CFTR: variants seen among roughly 807,000 people sequenced by gnomAD.
The protein encoded by CFTR is cystic fibrosis transmembrane conductance regulator.
CFTR carries 181 observed loss-of-function variants against 171.6 expected under a neutral mutation model. That is an observed-to-expected ratio of 1.05 (90% CI 0.93 to 1.19). The LOEUF is 1.19. CFTR is among the 50% of genes most tolerant of loss of function. CFTR has a pLI of 0.00. For missense variants in CFTR, 1,968 were observed against 1,734.7 expected, an observed-to-expected ratio of 1.13 and a Z score of -2.39; for synonymous variants, 583 against 608.0, an observed-to-expected ratio of 0.96 and a Z score of 0.60.
rs1162411186 is a variant in CFTR at position 117,648,174 on chromosome 7, C to A, written c.3874-4668C>A. On this transcript the variant is annotated intron_variant, in intron 23 of 26. Transcript: ENST00000003084. Reference sequence around the variant, plus strand: ...ATATATACACGCACACACACACACACAAATATATATATTTCCCTTCTGAGA... The same window carrying A: ...ATATATACACGCACACACACACACAAAAATATATATATTTCCCTTCTGAGA... Among the ~76,000 whole-genome samples the A allele has an allele frequency of 2.6e-5, 4 of 151,384 alleles. No homozygotes were observed. The South Asian group carries it at 8.3e-4, about 31-fold the overall frequency.
chr7:117,649,277 G>A (rs1793043256), intron 23 of CFTR, among the ~76,000 whole-genome samples: 1 of 146,120 alleles, frequency 6.8e-6, no homozygotes, highest in East Asian at 2.0e-4. Flanking sequence ...TTATACATGG[G>A]ATGTGTGTGT....
chr7:117,610,757 T>A lies in CFTR; in HGVS notation c.3139+88T>A, dbSNP rs1408926340. On this transcript the variant is annotated intron_variant, in intron 19 of 26. Transcript: ENST00000003084. ...TTATTGTTAATCTACTTAAAAAAAATTCTGCTTTTAAACTTTTACATCATA... is the reference window on the plus strand; with the variant it reads ...TTATTGTTAATCTACTTAAAAAAAAATCTGCTTTTAAACTTTTACATCATA... 5.5e-6 allele frequency: 8 copies of A among 1,461,640 alleles called. No individual in the cohort carries two copies. The Admixed American group carries it at 9.4e-5, about 17-fold the overall frequency. The allele number at this position is 1,461,640 out of a possible 1,614,324, so 90.5% of individuals were successfully genotyped here.
chr7:117,529,513 T>TAAA (rs61443875), intron 3 of CFTR, among the ~76,000 whole-genome samples: 2 of 119,968 alleles, frequency 1.7e-5, no homozygotes, highest in Admixed American at 8.5e-5. Context: ...ACTTAGAGTA[T>TAAA]AAAAAAAAAA....
intron 23 of CFTR, among the ~76,000 whole-genome samples, chr7:117,652,246 T>C (rs1159691155): frequency 6.6e-6 from 1 of 152,202 alleles, no homozygotes; most frequent in African/African-American, 2.4e-5. Flanking sequence ...AAACAATTAT[T>C]TGACTTCTGC....
intron 11 of CFTR, chr7:117,560,648 T>G (rs1341768055): frequency 6.6e-6 from 1 of 152,086 alleles, no homozygotes; most frequent in East Asian, 1.9e-4. Flanking sequence ...TTCAACAGTT[T>G]TTTTTTTAGA....
chr7:117,616,804 T>C (rs906008610), intron 21 of CFTR, among the ~76,000 whole-genome samples: 2 of 152,168 alleles, frequency 1.3e-5, no homozygotes, highest in African/African-American at 4.8e-5. Flanking sequence ...TTCTTTTGTT[T>C]GAATATCAAA....
chr7:117,550,664 T>TGTG (rs1224851701), intron 10 of CFTR, among the ~76,000 whole-genome samples: 63 of 152,336 alleles, frequency 4.1e-4, no homozygotes, highest in African/African-American at 1.5e-3. Flanking sequence ...GTCTTCAAGA[T>TGTG]CAATTCTATG....
chr7:117,535,406 G>A lies in CFTR; in HGVS notation c.738G>A (p.Lys246=), dbSNP rs35033453. The A allele has an allele frequency of 2.0e-5, 32 of 1,613,588 alleles. No individual in the cohort carries two copies. The Middle Eastern group carries it at 5.0e-4, about 25-fold the overall frequency. Residue 246 remains lysine (K), a synonymous_variant, in exon 6 of 27, where the codon AAG becomes AAA. Transcript: ENST00000003084. ...CTGGGCTAGGGAGAATGATGATGAA[G>A]TACAGGTAGCAACCTATTTTCATAA... is the stretch of plus-strand genomic sequence containing the variant. ...FQAGLGRMMM[K]YRDQRAGKIS... is the part of the protein sequence containing the mutation.
chr7:117,565,220 G>A (rs1406204085), intron 11 of CFTR, among the ~76,000 whole-genome samples: 1 of 152,196 alleles, frequency 6.6e-6, no homozygotes, highest in Admixed American at 6.5e-5. Context: ...TGGAGACTTT[G>A]CTAGTTTAAA....
intron 3 of CFTR, among the ~76,000 whole-genome samples, chr7:117,510,452 T>C (rs1420425125): frequency 6.6e-6 from 1 of 152,162 alleles, no homozygotes; most frequent in Non-Finnish European, 1.5e-5. Context: ...CAATAAGTGA[T>C]TGTTGGATTG....
In CFTR at chr7:117,581,831, G is replaced by T. The variant is rs151147329; in HGVS notation, c.1585-5908G>T. ...AATGGAGTGATCACGGTTCATTGCA[G>T]CCTTGACCTCCTGGGCTCAAGCGAT... On this transcript the variant is annotated intron_variant, in intron 11 of 26. Coordinates refer to ENST00000003084, the MANE Select transcript of CFTR (RefSeq NM_000492.4). Among the ~76,000 whole-genome samples, 202 of 152,168 alleles carry T rather than the reference G, an allele frequency of 1.3e-3. 3 individuals are homozygous for T. The East Asian group carries it at 0.035, about 27-fold the overall frequency.
chr7:117,501,766 AAAAAAGAAACAAAAAAAAAAAAAAAAC>A (rs1798332097), intron 1 of CFTR, among the ~76,000 whole-genome samples: 8 of 149,390 alleles, frequency 5.4e-5, no homozygotes, highest in Non-Finnish European at 3.0e-5. Flanking sequence ...AAAAAAAAAA[AAAAAAGAAACAAAAAAAAAAAAAAAAC>A]AAAAAGCAAA....
chr7:117,500,810 A>T (rs1798312610), intron 1 of CFTR, among the ~76,000 whole-genome samples: 1 of 152,146 alleles, frequency 6.6e-6, no homozygotes, highest in African/African-American at 2.4e-5. Flanking sequence ...ATAGATGGTG[A>T]ACTTAAGTCT....
chr7:117,588,635 T>C (rs188219277), intron 12 of CFTR, among the ~76,000 whole-genome samples: 23 of 152,284 alleles, frequency 1.5e-4, no homozygotes, highest in Admixed American at 8.5e-4. Flanking sequence ...AAACTAACCC[T>C]AACTGAGCAC....
rs10225787 is a variant in CFTR at position 117,517,705 on chromosome 7, C to T, written c.273+8563C>T. Among the ~76,000 whole-genome samples the T allele has an allele frequency of 1.8e-3, 273 of 152,250 alleles. 2 individuals carry two copies. Among genetic ancestry groups the T allele is most frequent in the African/African-American group, 5.2e-3 (215 of 41,556 alleles). ...AGAAGCATTCCTATTTCTCCACATCCGCTCCAGCATCTGTTGTTTCCTGAC... is the reference window on the plus strand; with the variant it reads ...AGAAGCATTCCTATTTCTCCACATCTGCTCCAGCATCTGTTGTTTCCTGAC... On this transcript the variant is annotated intron_variant, in intron 3 of 26. Transcript: ENST00000003084.
intron 11 of CFTR, among the ~76,000 whole-genome samples, chr7:117,583,314 TC>T (rs368344796): frequency 0.017 from 2,513 of 149,272 alleles, 51 homozygotes; most frequent in Admixed American, 0.058. Context: ...TAGTCTTTTA[TC>T]CCCCCCCCGC....
At chr7:117,596,157 G>A (rs904568735) in intron 15 of CFTR, among the ~76,000 whole-genome samples, 3 of 114,106 alleles carry the variant, frequency 2.6e-5, no homozygotes, top group Admixed American at 9.7e-5. Flanking sequence ...AGGGAGAGGC[G>A]CTGGGGGAAC....
intron 15 of CFTR, among the ~76,000 whole-genome samples, chr7:117,600,455 A>T (rs1439553760): frequency 6.6e-6 from 1 of 151,998 alleles, no homozygotes; most frequent in African/African-American, 2.4e-5. Context: ...CTTTCATTCT[A>T]TGATTGTTAA....
At chr7:117,524,641 C>G (rs1354940900) in intron 3 of CFTR, among the ~76,000 whole-genome samples, 2 of 151,916 alleles carry the variant, frequency 1.3e-5, no homozygotes, top group African/African-American at 2.4e-5. Flanking sequence ...AAAAAAAATC[C>G]TCGAATCTAG....
Sources: allele counts gnomAD v4.1 joint callset (sites outside exome capture counted in the v4.1 genomes callset), GRCh38; gene constraint gnomAD v4.1.1; transcripts MANE v1.5; gene names NCBI Gene and HGNC (gene_info 2026-07-23, HGNC 2026-07-21).